DIAPH3: variants seen among roughly 807,000 people sequenced by gnomAD.
DIAPH3 encodes the protein diaphanous related formin 3.
A neutral mutation model predicts 144.3 loss-of-function variants in DIAPH3; 117 were observed. That is an observed-to-expected ratio of 0.81 (90% CI 0.70 to 0.95). DIAPH3 has a LOEUF of 0.95. Ranked by LOEUF, DIAPH3 falls within the 40% of genes least tolerant of loss-of-function variation. The pLI is 0.00. For missense variants in DIAPH3, 1,421 were observed against 1,412.7 expected (o/e 1.01, Z -0.09); for synonymous variants, 519 against 488.9 (o/e 1.06, Z -0.81).
At chr13:60,042,213 G>A (rs1287490005) in intron 5 of DIAPH3, among the ~76,000 whole-genome samples, 1 of 152,118 alleles carries the variant, frequency 6.6e-6, no homozygotes, top group African/African-American at 2.4e-5. Context: ...GTGTGTGTGT[G>A]TCTAGAATTG....
chr13:59,908,311 C>A (rs563461463), intron 20 of DIAPH3, among the ~76,000 whole-genome samples: 2 of 130,314 alleles, frequency 1.5e-5, no homozygotes, highest in African/African-American at 5.9e-5. Flanking sequence ...GAGGCGGTTG[C>A]AGTGAGCCGA....
rs144699036 is a variant in DIAPH3, at chr13:59,984,048, C to T, written c.1362-161G>A. Reference sequence around the variant, plus strand: ...TTTTACCTGGGAGTGAGAGTAAATACAATTGTCATCACTTTGCTTTTAATG... The same window carrying T: ...TTTTACCTGGGAGTGAGAGTAAATATAATTGTCATCACTTTGCTTTTAATG... On this transcript the variant is annotated intron_variant, in intron 12 of 27. Transcript: ENST00000400324. 3.6e-3 allele frequency among the ~76,000 whole-genome samples: 543 copies of T among 151,782 alleles called. 4 individuals carry two copies. The highest frequency in any genetic ancestry group is 0.013 in the African/African-American group (527 of 41,502).
intron 22 of DIAPH3, among the ~76,000 whole-genome samples, chr13:59,846,874 G>C (rs1048780324): frequency 1.3e-5 from 2 of 152,182 alleles, no homozygotes; most frequent in Non-Finnish European, 2.9e-5. Context: ...CCAGGGGTTT[G>C]AGACCAGACT....
chr13:60,081,143 T>C (rs569996299), intron 4 of DIAPH3, among the ~76,000 whole-genome samples: 1 of 152,044 alleles, frequency 6.6e-6, no homozygotes, highest in Non-Finnish European at 1.5e-5. Context: ...GACCTATTTT[T>C]CCAGGGGTGG....
chr13:60,115,504 A>G (rs1268266393), intron 2 of DIAPH3, among the ~76,000 whole-genome samples: 1 of 152,208 alleles, frequency 6.6e-6, no homozygotes, highest in Non-Finnish European at 1.5e-5. Context: ...AATAGCAACC[A>G]GAGGTGACTA....
chr13:59,977,379 T>C (rs1689076751), intron 14 of DIAPH3, among the ~76,000 whole-genome samples: 1 of 151,752 alleles, frequency 6.6e-6, no homozygotes, highest in African/African-American at 2.4e-5. Flanking sequence ...GAGAACAAAC[T>C]GAAGGGGATA....
intron 17 of DIAPH3, among the ~76,000 whole-genome samples, chr13:59,959,709 G>C (rs2049630879): frequency 6.6e-6 from 1 of 152,200 alleles, no homozygotes. Flanking sequence ...TTCTTCTCCA[G>C]AGCATCAAGA....
intron 7 of DIAPH3, 78 bp from the exon 8 acceptor site, chr13:60,010,747 TA>T (rs1463791174): frequency 1.5e-5 from 21 of 1,420,250 alleles, no homozygotes; most frequent in African/African-American, 2.9e-5. Flanking sequence ...ATGTAGTTAT[TA>T]AAAAAAATTT....
At chr13:60,137,093 T>C (rs1310855641) in intron 1 of DIAPH3, among the ~76,000 whole-genome samples, 1 of 152,190 alleles carries the variant, frequency 6.6e-6, no homozygotes, top group African/African-American at 2.4e-5. Context: ...ACTAATTCTA[T>C]TTTCTCCCTA....
chr13:59,867,009 T>C (rs1479576927), intron 21 of DIAPH3, among the ~76,000 whole-genome samples: 1 of 150,766 alleles, frequency 6.6e-6, no homozygotes, highest in East Asian at 1.9e-4. Context: ...TGGTGTGTGT[T>C]TGTGTGTGTA....
chr13:60,009,133 G>A (rs1028040518), intron 8 of DIAPH3, among the ~76,000 whole-genome samples: 4 of 152,152 alleles, frequency 2.6e-5, no homozygotes, highest in African/African-American at 9.7e-5. Context: ...ACAAGTTTAA[G>A]TAAATGAAGC....
intron 1 of DIAPH3, among the ~76,000 whole-genome samples, chr13:60,149,892 T>C (rs774450341): frequency 6.6e-6 from 1 of 152,048 alleles, no homozygotes; most frequent in Non-Finnish European, 1.5e-5. Context: ...GAAAAAATAA[T>C]AAATGTCATC....
chr13:60,012,197 GGC>G (rs1472931388), intron 7 of DIAPH3, among the ~76,000 whole-genome samples: 1 of 152,060 alleles, frequency 6.6e-6, no homozygotes, highest in Admixed American at 6.6e-5. Context: ...TCTTGTATAT[GGC>G]CATTTATGCA....
chr13:60,010,826 CT>C (rs2053196975), intron 7 of DIAPH3, among the ~76,000 whole-genome samples, 157 bp from the exon 8 acceptor site: 1 of 152,034 alleles, frequency 6.6e-6, no homozygotes, highest in African/African-American at 2.4e-5. Context: ...AAGTTCATGG[CT>C]GGGCACGGTG....
At chr13:60,022,911 C>T (rs763953670) in intron 5 of DIAPH3, among the ~76,000 whole-genome samples, 19 of 152,062 alleles carry the variant, frequency 1.2e-4, no homozygotes, top group Non-Finnish European at 2.2e-4. Flanking sequence ...TCCTCTTTTG[C>T]TTGTCAATAT....
chr13:60,088,411 A>G (rs2057823159), intron 4 of DIAPH3, among the ~76,000 whole-genome samples: 1 of 151,700 alleles, frequency 6.6e-6, no homozygotes, highest in South Asian at 2.1e-4. Flanking sequence ...CCTTCCCTCT[A>G]TCCTTACTCC....
At chr13:59,974,112 T>A (rs1795043032) in intron 15 of DIAPH3, among the ~76,000 whole-genome samples, 1 of 152,002 alleles carries the variant, frequency 6.6e-6, no homozygotes, top group Admixed American at 6.6e-5. Context: ...TTAGGAAACA[T>A]GTGACATTAG....
intron 4 of DIAPH3, among the ~76,000 whole-genome samples, chr13:60,057,430 A>G (rs1458318015): frequency 6.6e-6 from 1 of 151,930 alleles, no homozygotes; most frequent in Non-Finnish European, 1.5e-5. Context: ...CTCATGTTCC[A>G]GAATTGGAAG....
In DIAPH3 at chr13:59,878,249, G is replaced by A. The variant is rs146594497; in HGVS notation, c.2607+980C>T. 4.0e-3 allele frequency among the ~76,000 whole-genome samples: 604 copies of A among 152,198 alleles called. 5 individuals are homozygous for A. Among genetic ancestry groups the A allele is most frequent in the African/African-American group, 0.014 (582 of 41,536 alleles). ...CTAGGGATCTTCACCAAATACAGCT[G>A]CCTAAGAAAACAGAGAGGAAAATAA... On this transcript the variant is annotated intron_variant, in intron 21 of 27. Coordinates refer to ENST00000400324, the MANE Select transcript of DIAPH3 (RefSeq NM_001042517.2).
Sources: gnomAD v4.1 joint callset for allele counts (sites outside exome capture counted in the v4.1 genomes callset) on GRCh38, gnomAD v4.1.1 for gene constraint, MANE v1.5 for transcripts, NCBI Gene and HGNC (gene_info 2026-07-23, HGNC 2026-07-21) for gene names.